STK32B: variants seen among roughly 807,000 people sequenced by gnomAD.
The protein encoded by STK32B is serine/threonine-protein kinase 32B.
STK32B carries 43 observed loss-of-function variants against 52.6 expected under a neutral mutation model. The ratio of observed to expected loss-of-function variants is 0.82; its 90% CI spans 0.64 to 1.05. The LOEUF is 1.05. Ranked by LOEUF, STK32B falls within the 50% of genes least tolerant of loss-of-function variation. The pLI is 0.00. For missense variants in STK32B, 621 were observed against 534.6 expected (o/e 1.16, Z -1.59); for synonymous variants, 238 against 204.3 (o/e 1.17, Z -1.41).
intron 4 of STK32B, among the ~76,000 whole-genome samples, chr4:5,334,734 T>C (rs1043963974): frequency 1.3e-5 from 2 of 151,396 alleles, no homozygotes; most frequent in Non-Finnish European, 2.9e-5. Context: ...ATTGAGATAA[T>C]CATGTGGTTT....
intron 5 of STK32B, among the ~76,000 whole-genome samples, chr4:5,408,972 C>G (rs150467027): frequency 6.6e-6 from 1 of 152,104 alleles, no homozygotes; most frequent in East Asian, 1.9e-4. Flanking sequence ...CAGAGTGAAA[C>G]CTACCTGGGG....
At chr4:5,485,223 C>G (rs1411615703) in intron 11 of STK32B, among the ~76,000 whole-genome samples, 4 of 152,142 alleles carry the variant, frequency 2.6e-5, no homozygotes, top group Non-Finnish European at 4.4e-5. Flanking sequence ...CTTTCAGGTA[C>G]ACCAATCAGA....
chr4:5,486,534 G>T (rs936272512), intron 11 of STK32B, among the ~76,000 whole-genome samples: 2 of 152,236 alleles, frequency 1.3e-5, no homozygotes, highest in African/African-American at 2.4e-5. Context: ...GCGCTTCCAA[G>T]GTGAGGCGAT....
chr4:5,440,723 A>G (rs561849093), intron 6 of STK32B, among the ~76,000 whole-genome samples: 3 of 152,138 alleles, frequency 2.0e-5, no homozygotes, highest in Admixed American at 6.5e-5. Context: ...CCCATTCAGT[A>G]TGATATTGGC....
At chr4:5,346,854 ATGGCCG>A (rs1733499875) in intron 4 of STK32B, among the ~76,000 whole-genome samples, 1 of 152,240 alleles carries the variant, frequency 6.6e-6, no homozygotes, top group Non-Finnish European at 1.5e-5. Flanking sequence ...ACGGTTCTTC[ATGGCCG>A]GGTAGGCCTC....
chr4:5,381,561 G>A (rs1271117417), intron 4 of STK32B, among the ~76,000 whole-genome samples: 1 of 152,250 alleles, frequency 6.6e-6, no homozygotes, highest in Non-Finnish European at 1.5e-5. Context: ...GTCAGCACAT[G>A]CTAGGGGCTG....
chr4:5,456,913 T>G lies in STK32B; in HGVS notation c.773T>G (p.Leu258Arg). The change falls in exon 8 of 12, where the codon CTG becomes CGG. Residue 258 changes from leucine (L) to arginine (R), a missense_variant. Leu to Arg is a moderately radical substitution (Grantham distance 102). Transcript: ENST00000282908. Reference protein sequence around the residue: ...SSTWCKGMVALLRKLLTKDPE... With the variant: ...SSTWCKGMVARLRKLLTKDPE... The stretch of plus-strand genomic sequence containing the variant: ...ACGTGGTGCAAGGGGATGGTGGCCC[T>G]GCTGAGGAAGGTAAGGGGGCAGCTT... 1 of 1,557,392 alleles carries G rather than the reference T, an allele frequency of 6.4e-7. No individual in the cohort carries two copies. Among genetic ancestry groups the G allele is most frequent in the Non-Finnish European group, 8.7e-7 (1 of 1,149,236 alleles).
intron 3 of STK32B, among the ~76,000 whole-genome samples, chr4:5,297,635 G>GTTT (rs200463444): frequency 2.4e-5 from 3 of 126,930 alleles, no homozygotes; most frequent in Non-Finnish European, 5.3e-5. Context: ...GGTCATTTAT[G>GTTT]TTTTTTTTTT....
chr4:5,314,545 C>T (rs1355555796), intron 3 of STK32B, among the ~76,000 whole-genome samples: 1 of 152,138 alleles, frequency 6.6e-6, no homozygotes, highest in Non-Finnish European at 1.5e-5. Flanking sequence ...TGACAGGCAC[C>T]TGTAATGCCA....
intron 1 of STK32B, among the ~76,000 whole-genome samples, chr4:5,122,750 C>A (rs1030126930): frequency 1.3e-5 from 2 of 152,204 alleles, no homozygotes; most frequent in Non-Finnish European, 2.9e-5. Context: ...GGTCCTGGCT[C>A]TCATTGAGGT....
intron 1 of STK32B, among the ~76,000 whole-genome samples, chr4:5,104,380 A>C (rs1713985746): frequency 6.6e-6 from 1 of 151,834 alleles, no homozygotes; most frequent in Admixed American, 6.6e-5. Flanking sequence ...AGTCCATTAA[A>C]CCTCTTTCCT....
At chr4:5,266,721 G>C (rs1727080344) in intron 3 of STK32B, among the ~76,000 whole-genome samples, 1 of 152,146 alleles carries the variant, frequency 6.6e-6, no homozygotes, top group Non-Finnish European at 1.5e-5. Flanking sequence ...CTGGGTGGGG[G>C]TCCTTTCTTT....
At chr4:5,362,539 T>G (rs1421395760) in intron 4 of STK32B, among the ~76,000 whole-genome samples, 3 of 152,186 alleles carry the variant, frequency 2.0e-5, no homozygotes, top group Non-Finnish European at 4.4e-5. Flanking sequence ...GCCTTTCTTC[T>G]GTATTGTGGA....
At chr4:5,387,066 A>G (rs944293938) in intron 4 of STK32B, among the ~76,000 whole-genome samples, 1 of 152,176 alleles carries the variant, frequency 6.6e-6, no homozygotes, top group Admixed American at 6.5e-5. Flanking sequence ...CGTGAATGAC[A>G]TCAGACGAGA....
intron 11 of STK32B, among the ~76,000 whole-genome samples, chr4:5,478,798 G>C (rs73212753): frequency 0.091 from 13,790 of 152,226 alleles, 1,087 homozygotes; most frequent in African/African-American, 0.22. Context: ...TCACCGGGCT[G>C]CCTTGACTGG....
At position 5,317,526 on chromosome 4, in the gene STK32B, A is replaced by ACC. The variant is rs1181509470; in HGVS notation, c.261-13694_261-13693insCC. ...TATATATGTATAATATATTTATTAT[A>ACC]TATATATTACATGTATATATATATA... On this transcript the variant is annotated intron_variant, in intron 3 of 11. Coordinates refer to ENST00000282908, the MANE Select transcript of STK32B (RefSeq NM_018401.3). Among the ~76,000 whole-genome samples the ACC allele has an allele frequency of 1.0e-4, 11 of 108,324 alleles. 1 individual carries two copies. The highest frequency in any genetic ancestry group is 5.4e-4 in the African/African-American group (11 of 20,286). 71.1% of individuals were successfully genotyped at this position (108,324 alleles called of 152,430 possible). A position where few individuals can be genotyped will look rare whatever the true frequency, so the allele number is the denominator to read the frequency against.
At chr4:5,125,545 C>T (rs1715313587) in intron 1 of STK32B, among the ~76,000 whole-genome samples, 1 of 152,172 alleles carries the variant, frequency 6.6e-6, no homozygotes. Context: ...CCTTACTTGG[C>T]CTGAGGCCAG....
chr4:5,168,824 A>ACC (rs1184570670), intron 3 of STK32B, among the ~76,000 whole-genome samples: 1 of 152,170 alleles, frequency 6.6e-6, no homozygotes, highest in African/African-American at 2.4e-5. Flanking sequence ...GCAACTGGAA[A>ACC]CCAGTATTCT....
intron 11 of STK32B, among the ~76,000 whole-genome samples, chr4:5,485,670 T>A (rs1267586960): frequency 1.3e-5 from 2 of 152,222 alleles, no homozygotes; most frequent in Non-Finnish European, 2.9e-5. Context: ...ACTCTGCTTT[T>A]TAGAGTTTCT....
Sources: allele counts gnomAD v4.1 joint callset (sites outside exome capture counted in the v4.1 genomes callset), GRCh38; gene constraint gnomAD v4.1.1; transcripts MANE v1.5; gene names NCBI Gene and HGNC (gene_info 2026-07-23, HGNC 2026-07-21).